The following HS6ST3 variants were observed in gnomAD, a reference collection of about 807,000 sequenced individuals.
HS6ST3 encodes the protein heparan sulfate 6-O-sulfotransferase 3.
Under a neutral mutation model 36.7 loss-of-function variants are expected in HS6ST3, and 12 were observed. That is an observed-to-expected ratio of 0.33 (90% CI 0.21 to 0.53). The LOEUF (loss-of-function observed/expected upper bound fraction) is 0.53, where lower values mean the gene tolerates loss of function less well. HS6ST3 is among the 20% of genes least tolerant of loss of function. The probability of loss-of-function intolerance (pLI) is 0.95; values close to 1 mark genes in which losing one functional copy is unlikely to be tolerated. For synonymous variants in HS6ST3, 240 were observed against 257.5 expected (o/e 0.93, Z 0.65); for missense variants, 584 against 640.9 (o/e 0.91, Z 0.96).
chr13:96,434,141 G>A (rs79993975), intron 1 of HS6ST3, among the ~76,000 whole-genome samples: 4 of 152,196 alleles, frequency 2.6e-5, no homozygotes, highest in South Asian at 2.1e-4. Flanking sequence ...CAGACTTTTA[G>A]CCTCCAAATT....
intron 1 of HS6ST3, among the ~76,000 whole-genome samples, chr13:96,811,226 G>GTTTA (rs1463788910): frequency 1.3e-5 from 2 of 152,316 alleles, no homozygotes; most frequent in African/African-American, 4.8e-5. Context: ...TGTTAGCTAA[G>GTTTA]AAGTGATAAG....
chr13:96,163,262 C>A lies in HS6ST3; in HGVS notation c.707+71693C>A, dbSNP rs559240089. Among the ~76,000 whole-genome samples, 14 of 135,556 alleles carry A rather than the reference C, an allele frequency of 1.0e-4. No individual in the cohort carries two copies. In the South Asian group the frequency reaches 3.3e-3, roughly 32 times the overall value. The allele number at this position is 135,556 out of a possible 152,430, so 88.9% of individuals were successfully genotyped here. On this transcript the variant is annotated intron_variant, in intron 1 of 1. Coordinates refer to ENST00000376705, the MANE Select transcript of HS6ST3 (RefSeq NM_153456.4). ...TTTTTTTTTTTGAGATGGAGTCTCG[C>A]TCTGTCGCCCAGGCTGGAGTGCAGT...
At chr13:96,249,027 G>C (rs1025314122) in intron 1 of HS6ST3, among the ~76,000 whole-genome samples, 2 of 152,012 alleles carry the variant, frequency 1.3e-5, no homozygotes, top group Non-Finnish European at 2.9e-5. Context: ...TCCTCCTCCT[G>C]TCTTCTGAAA....
chr13:96,198,467 A>C (rs934526888), intron 1 of HS6ST3, among the ~76,000 whole-genome samples: 1 of 152,200 alleles, frequency 6.6e-6, no homozygotes, highest in Non-Finnish European at 1.5e-5. Context: ...CCAAACTTTT[A>C]TGCTCTGCTG....
intron 1 of HS6ST3, among the ~76,000 whole-genome samples, chr13:96,446,946 C>CT (rs2055701959): frequency 2.0e-5 from 3 of 152,190 alleles, no homozygotes; most frequent in Admixed American, 2.0e-4. Context: ...TTCCACACCT[C>CT]TTTTTCCCTA....
intron 1 of HS6ST3, among the ~76,000 whole-genome samples, chr13:96,460,280 C>T (rs1218553889): frequency 2.0e-5 from 3 of 152,114 alleles, no homozygotes; most frequent in Non-Finnish European, 4.4e-5. Context: ...TAAGATAGTA[C>T]TGGGAATTTA....
At chr13:96,571,776 A>G (rs1435208317) in intron 1 of HS6ST3, among the ~76,000 whole-genome samples, 1 of 152,216 alleles carries the variant, frequency 6.6e-6, no homozygotes, top group Non-Finnish European at 1.5e-5. Flanking sequence ...CCTAGTGTTT[A>G]GGAAAAAGAG....
chr13:96,799,157 C>G (rs1456395254), intron 1 of HS6ST3, among the ~76,000 whole-genome samples: 1 of 152,110 alleles, frequency 6.6e-6, no homozygotes, highest in Non-Finnish European at 1.5e-5. Context: ...AATGGTATTT[C>G]TAGTTCTAGA....
At chr13:96,514,529 G>C (rs2138922308) in intron 1 of HS6ST3, among the ~76,000 whole-genome samples, 1 of 152,246 alleles carries the variant, frequency 6.6e-6, no homozygotes, top group African/African-American at 2.4e-5. Context: ...GGTCATAAGG[G>C]TGGGCCCTGA....
intron 1 of HS6ST3, among the ~76,000 whole-genome samples, chr13:96,549,500 T>TA (rs2056210714): frequency 6.6e-6 from 1 of 152,184 alleles, no homozygotes; most frequent in Non-Finnish European, 1.5e-5. Context: ...TAGAAATTGT[T>TA]AAATTGTTTT....
intron 1 of HS6ST3, among the ~76,000 whole-genome samples, chr13:96,662,234 G>C (rs1327832261): frequency 6.6e-6 from 1 of 152,124 alleles, no homozygotes; most frequent in Non-Finnish European, 1.5e-5. Context: ...GAATGCCCGT[G>C]ACTCACTGGT....
chr13:96,734,882 AT>A (rs373936186), intron 1 of HS6ST3, among the ~76,000 whole-genome samples: 7 of 149,658 alleles, frequency 4.7e-5, no homozygotes, highest in South Asian at 4.3e-4. Flanking sequence ...ACTAATGGGT[AT>A]TTTTTTTTTC....
At chr13:96,288,108 A>T (rs2139397520) in intron 1 of HS6ST3, among the ~76,000 whole-genome samples, 1 of 152,276 alleles carries the variant, frequency 6.6e-6, no homozygotes, top group Non-Finnish European at 1.5e-5. Context: ...GAAACTTAGA[A>T]GGTGAGGCCT....
intron 1 of HS6ST3, among the ~76,000 whole-genome samples, chr13:96,363,496 A>G (rs1351621068): frequency 6.6e-6 from 1 of 152,208 alleles, no homozygotes; most frequent in Non-Finnish European, 1.5e-5. Context: ...TTTCTCTACC[A>G]TAACAAAAAA....
chr13:96,127,005 T>C (rs2053955429), intron 1 of HS6ST3, among the ~76,000 whole-genome samples: 1 of 152,196 alleles, frequency 6.6e-6, no homozygotes. Context: ...CCTGAAAATT[T>C]AGCTACCATT....
At chr13:96,295,419 A>G (rs2054850159) in intron 1 of HS6ST3, among the ~76,000 whole-genome samples, 2 of 152,146 alleles carry the variant, frequency 1.3e-5, no homozygotes, top group Admixed American at 6.6e-5. Context: ...CCATGTTAAC[A>G]TAACAACAGT....
chr13:96,707,704 C>T (rs1166301389), intron 1 of HS6ST3, among the ~76,000 whole-genome samples: 1 of 152,192 alleles, frequency 6.6e-6, no homozygotes, highest in African/African-American at 2.4e-5. Flanking sequence ...ACATTTTCTC[C>T]TTTGCAGTCT....
At chr13:96,389,462 AT>A (rs2055385113) in intron 1 of HS6ST3, among the ~76,000 whole-genome samples, 2 of 152,156 alleles carry the variant, frequency 1.3e-5, no homozygotes, top group African/African-American at 2.4e-5. Context: ...ATTGCTAATG[AT>A]TTTAAAATCA....
intron 1 of HS6ST3, among the ~76,000 whole-genome samples, chr13:96,227,607 C>G (rs763490299): frequency 7.2e-5 from 11 of 152,152 alleles, no homozygotes; most frequent in East Asian, 1.9e-4. Flanking sequence ...TGATTTCTAT[C>G]CTGCAGTGAG....
Sources: allele counts gnomAD v4.1 joint callset (sites outside exome capture counted in the v4.1 genomes callset), GRCh38; gene constraint gnomAD v4.1.1; transcripts MANE v1.5; gene names NCBI Gene and HGNC (gene_info 2026-07-23, HGNC 2026-07-21).